The following CSMD1 variants were observed in gnomAD, a reference collection of about 807,000 sequenced individuals.
CSMD1 encodes CUB and Sushi multiple domains 1.
Under a neutral mutation model 417.5 loss-of-function variants are expected in CSMD1, and 213 were observed. The observed-to-expected ratio is 0.51, with a 90% CI of 0.46 to 0.57. The LOEUF (loss-of-function observed/expected upper bound fraction) is 0.57. Among genes scored for constraint, CSMD1 ranks in the 20% least tolerant of loss-of-function variants. CSMD1 has a pLI of 0.00. For synonymous variants in CSMD1, 2,862 were observed against 1,736.8 expected (o/e 1.65, Z -16.11); for missense variants, 6,923 against 4,529.7 (o/e 1.53, Z -15.17).
chr8:3,542,417 G>A (rs1423860502), intron 10 of CSMD1, among the ~76,000 whole-genome samples: 2 of 152,096 alleles, frequency 1.3e-5, no homozygotes, highest in Admixed American at 6.5e-5. Flanking sequence ...TCCAGATACC[G>A]TTCTACGATT....
chr8:4,898,006 G>A (rs996244376), intron 1 of CSMD1, among the ~76,000 whole-genome samples: 16 of 152,010 alleles, frequency 1.1e-4, no homozygotes, highest in African/African-American at 3.6e-4. Context: ...CTCTGTACTG[G>A]AAAAACAGAC....
chr8:3,163,034 A>C (rs999005574), intron 37 of CSMD1, among the ~76,000 whole-genome samples: 1 of 152,208 alleles, frequency 6.6e-6, no homozygotes, highest in Non-Finnish European at 1.5e-5. Context: ...ATTTTGTAGA[A>C]TCAAAAATTG....
intron 2 of CSMD1, among the ~76,000 whole-genome samples, chr8:4,599,707 A>ACT (rs1371637741): frequency 6.6e-6 from 1 of 152,208 alleles, no homozygotes; most frequent in Non-Finnish European, 1.5e-5. Flanking sequence ...GGTGATAGCC[A>ACT]GTCATAGCAA....
intron 52 of CSMD1, among the ~76,000 whole-genome samples, chr8:3,014,667 C>T (rs548089861): frequency 2.6e-4 from 40 of 152,164 alleles, no homozygotes; most frequent in Non-Finnish European, 4.1e-4. Flanking sequence ...AATCCCAGCA[C>T]TTTGGGAACC....
intron 3 of CSMD1, among the ~76,000 whole-genome samples, chr8:4,060,681 G>T (rs1448163213): frequency 6.6e-6 from 1 of 152,020 alleles, no homozygotes. Context: ...ACATAGATAA[G>T]GCCTGAGAAA....
At chr8:2,983,997 T>C (rs1805641977) in intron 54 of CSMD1, among the ~76,000 whole-genome samples, 1 of 152,222 alleles carries the variant, frequency 6.6e-6, no homozygotes, top group African/African-American at 2.4e-5. Flanking sequence ...TGTTACAGTA[T>C]GAACTGGTAA....
intron 1 of CSMD1, among the ~76,000 whole-genome samples, chr8:4,758,545 G>A (rs1158523505): frequency 2.6e-5 from 4 of 152,142 alleles, no homozygotes; most frequent in South Asian, 2.1e-4. Context: ...AGGCAGAAAC[G>A]TCAGTGTATT....
intron 4 of CSMD1, among the ~76,000 whole-genome samples, chr8:4,023,661 A>C (rs1796902016): frequency 7.1e-6 from 1 of 140,026 alleles, no homozygotes; most frequent in Admixed American, 7.7e-5. Flanking sequence ...ATCTCGGCTC[A>C]CTGCAAGCTC....
chr8:4,210,864 T>G (rs774122392), intron 3 of CSMD1, among the ~76,000 whole-genome samples: 1 of 152,130 alleles, frequency 6.6e-6, no homozygotes, highest in African/African-American at 2.4e-5. Context: ...TTCACAGCAG[T>G]GTTGTCTTCT....
chr8:4,005,727 G>C (rs770318857), intron 4 of CSMD1, among the ~76,000 whole-genome samples: 1 of 152,146 alleles, frequency 6.6e-6, no homozygotes, highest in Non-Finnish European at 1.5e-5. Flanking sequence ...ATTTGTTTCA[G>C]CTAAATATGT....
chr8:4,121,004 G>C (rs371572557), intron 3 of CSMD1, among the ~76,000 whole-genome samples: 1 of 152,120 alleles, frequency 6.6e-6, no homozygotes, highest in Admixed American at 6.5e-5. Flanking sequence ...CCTTTTGATG[G>C]CTTGGTTTAT....
chr8:3,641,312 G>T (rs13282896), intron 7 of CSMD1, among the ~76,000 whole-genome samples: 1 of 151,920 alleles, frequency 6.6e-6, no homozygotes, highest in Non-Finnish European at 1.5e-5. Context: ...GTGGAGAACG[G>T]GTGAGTCACT....
chr8:3,860,434 ACTT>A (rs1471174406), intron 5 of CSMD1, among the ~76,000 whole-genome samples: 3 of 152,142 alleles, frequency 2.0e-5, no homozygotes, highest in Admixed American at 1.3e-4. Flanking sequence ...AAACAATAAA[ACTT>A]TTTTTTCCTA....
At chr8:3,768,170 C>T (rs1798388623) in intron 5 of CSMD1, among the ~76,000 whole-genome samples, 6 of 152,032 alleles carry the variant, frequency 3.9e-5, no homozygotes. Flanking sequence ...GAACTAAAGC[C>T]CAGAAATTAA....
intron 5 of CSMD1, among the ~76,000 whole-genome samples, chr8:3,996,465 C>G (rs1039145302): frequency 2.6e-5 from 4 of 151,664 alleles, no homozygotes; most frequent in Non-Finnish European, 4.4e-5. Context: ...AGCACAGCCT[C>G]TCTTTTTACA....
intron 2 of CSMD1, among the ~76,000 whole-genome samples, chr8:4,515,886 A>G (rs1057054259): frequency 7.2e-5 from 11 of 152,134 alleles, no homozygotes; most frequent in Non-Finnish European, 7.3e-5. Context: ...AATTTTACAC[A>G]TCCAATTATT....
At chr8:4,475,092 A>T (rs1357094823) in intron 2 of CSMD1, among the ~76,000 whole-genome samples, 3 of 152,190 alleles carry the variant, frequency 2.0e-5, no homozygotes, top group Non-Finnish European at 2.9e-5. Flanking sequence ...ATTTTTAAGC[A>T]TTTGAAAAAT....
chr8:3,681,627 T>C (rs554238153), intron 7 of CSMD1, among the ~76,000 whole-genome samples: 25 of 152,284 alleles, frequency 1.6e-4, no homozygotes, highest in Admixed American at 1.1e-3. Context: ...AGGTAATTTA[T>C]AGATTCAATG....
intron 3 of CSMD1, among the ~76,000 whole-genome samples, chr8:4,411,434 C>G (rs1796645030): frequency 6.6e-6 from 1 of 152,098 alleles, no homozygotes; most frequent in Non-Finnish European, 1.5e-5. Flanking sequence ...CAGCAAAGGA[C>G]TTTTAATTAC....
Sources: allele counts gnomAD v4.1 joint callset (sites outside exome capture counted in the v4.1 genomes callset), GRCh38; gene constraint gnomAD v4.1.1; transcripts MANE v1.5; gene names NCBI Gene and HGNC (gene_info 2026-07-23, HGNC 2026-07-21).